TNRC6B: variants seen among roughly 807,000 people sequenced by gnomAD.
TNRC6B encodes the protein trinucleotide repeat containing adaptor 6B, also known as trinucleotide repeat-containing gene 6B protein.
In TNRC6B, 52 loss-of-function variants were observed where a neutral mutation model predicts 203.6. That is an observed-to-expected ratio of 0.26 (90% CI 0.20 to 0.32). TNRC6B has a LOEUF of 0.32. Ranked by LOEUF, TNRC6B falls within the 10% of genes least tolerant of loss-of-function variation. The pLI is 1.00. For synonymous variants in TNRC6B, 838 were observed against 845.7 expected (o/e 0.99, Z 0.16); for missense variants, 1,923 against 2,286.2 (o/e 0.84, Z 3.24).
intron 21 of TNRC6B, among the ~76,000 whole-genome samples, chr22:40,316,633 G>GA: frequency 6.6e-6 from 1 of 152,044 alleles, no homozygotes; most frequent in Admixed American, 6.5e-5. Context: ...TTCTCAAAAA[G>GA]GAGAGAGAGG....
intron 1 of TNRC6B, among the ~76,000 whole-genome samples, chr22:40,073,141 G>GT (rs554246963): frequency 0.055 from 5,930 of 108,574 alleles, 155 homozygotes; most frequent in African/African-American, 0.076. Context: ...TAGGGCCTTG[G>GT]TTTTTTTTTT....
intron 1 of TNRC6B, among the ~76,000 whole-genome samples, chr22:40,244,984 A>G (rs1254807030): frequency 6.6e-6 from 1 of 152,186 alleles, no homozygotes; most frequent in African/African-American, 2.4e-5. Flanking sequence ...ATTGTATACC[A>G]TTTTTATTCT....
intron 1 of TNRC6B, among the ~76,000 whole-genome samples, chr22:40,070,228 A>G (rs1255929555): frequency 6.6e-6 from 1 of 152,218 alleles, no homozygotes; most frequent in Non-Finnish European, 1.5e-5. Context: ...GGGCTAAAGT[A>G]TATAATTTTC....
chr22:40,233,789 G>A (rs1342294524), intron 1 of TNRC6B, among the ~76,000 whole-genome samples: 6 of 152,116 alleles, frequency 3.9e-5, no homozygotes, highest in African/African-American at 7.2e-5. Context: ...TGAGCCTCAC[G>A]TTCTTTTACT....
intron 3 of TNRC6B, among the ~76,000 whole-genome samples, chr22:40,155,763 C>T (rs1012241): frequency 0.68 from 103,250 of 152,082 alleles, 36,816 homozygotes; most frequent in African/African-American, 0.9. Context: ...TAAGATTGAA[C>T]ATCTTTTCAT....
intron 2 of TNRC6B, among the ~76,000 whole-genome samples, chr22:40,123,411 A>G (rs1286209831): frequency 6.6e-6 from 1 of 152,222 alleles, no homozygotes; most frequent in Non-Finnish European, 1.5e-5. Context: ...TGAAAGTAAA[A>G]AGATTAAAGC....
Position 40,315,934 on chromosome 22 carries a change from G to T in TNRC6B, c.4904-8G>T. On this transcript the variant is annotated splice_polypyrimidine_tract_variant and splice_region_variant and intron_variant, in intron 20 of 22. Coordinates refer to ENST00000454349, the MANE Select transcript of TNRC6B (RefSeq NM_001162501.2). The stretch of plus-strand genomic sequence containing the variant: ...TCTCTTCCTAACCATTTTTCTGGTT[G>T]CTCATAGCCTCTACCTGGAGTGATG... 2 of 1,610,620 alleles carry T rather than the reference G, an allele frequency of 1.2e-6. No homozygotes were observed. The highest frequency in any genetic ancestry group is 2.2e-5 in the South Asian group (2 of 90,388).
intron 12 of TNRC6B, among the ~76,000 whole-genome samples, chr22:40,298,903 T>C (rs1266489172): frequency 2.0e-5 from 3 of 151,368 alleles, no homozygotes. Flanking sequence ...GAGGTGGAGC[T>C]TGCAGTGAGC....
At chr22:40,277,715 CT>C (rs369484211) in intron 8 of TNRC6B, among the ~76,000 whole-genome samples, 1 of 152,200 alleles carries the variant, frequency 6.6e-6, no homozygotes, top group Non-Finnish European at 1.5e-5. Flanking sequence ...CTGACTAGAA[CT>C]TAAGGACGGG....
Position 40,312,362 on chromosome 22 carries a change from T to C in TNRC6B, c.4436-143T>C, listed in dbSNP as rs1000550449. The C allele has an allele frequency of 4.6e-5, 42 of 904,198 alleles. No individual in the cohort carries two copies. The South Asian group carries it at 6.0e-4, about 13-fold the overall frequency. The allele number at this position is 904,198 out of a possible 1,614,324, so 56.0% of individuals were successfully genotyped here. ...GAGTATGTTCATGGTGATTTTTTTT[T>C]CCTTAATTTTGTGATGAAAATCTAA... On this transcript the variant is annotated intron_variant, in intron 17 of 22. Transcript: ENST00000454349.
intron 12 of TNRC6B, among the ~76,000 whole-genome samples, chr22:40,291,852 T>C (rs1240109259): frequency 6.6e-6 from 1 of 152,250 alleles, no homozygotes; most frequent in Non-Finnish European, 1.5e-5. Flanking sequence ...AGATTTTATA[T>C]TCCTTTTGAC....
At chr22:40,170,069 C>T (rs776402237) in intron 4 of TNRC6B, among the ~76,000 whole-genome samples, 11 of 150,728 alleles carry the variant, frequency 7.3e-5, no homozygotes, top group South Asian at 2.1e-4. Flanking sequence ...TGCTTGAGCC[C>T]GGGAGTTGGA....
At position 40,315,308 on chromosome 22, in the gene TNRC6B, A is replaced by G. The variant is rs758652488; in HGVS notation, c.4704A>G (p.Thr1568=). ...TSAKFPDYKS[T]WSPDPIGHNP... is the part of the protein sequence containing the mutation. The stretch of plus-strand genomic sequence containing the variant: ...CAAAGTTCCCTGATTACAAATCAAC[A>G]TGGTCCCCAGATCCCATAGGACACA... Residue 1568 remains threonine (T), a synonymous_variant, in exon 20 of 23, where the codon ACA becomes ACG. Coordinates refer to ENST00000454349, the MANE Select transcript of TNRC6B (RefSeq NM_001162501.2). 9.3e-6 allele frequency: 15 copies of G among 1,614,026 alleles called. 1 individual carries two copies. The East Asian group carries it at 2.9e-4, about 31-fold the overall frequency.
At chr22:40,308,219 C>G (rs542037188) in intron 15 of TNRC6B, among the ~76,000 whole-genome samples, 211 of 152,324 alleles carry the variant, frequency 1.4e-3, no homozygotes, top group Non-Finnish European at 2.4e-3. Flanking sequence ...GTGGCTGGCC[C>G]CAGCCTCCTG....
chr22:40,323,328 C>A lies in TNRC6B; in HGVS notation c.*87C>A. ...CCTTTTCGTTTTTTTTTTCAACTTG[C>A]AATAAATACATTTTTAAAAGGAAAA... is the stretch of plus-strand genomic sequence containing the variant. On this transcript the variant is annotated 3_prime_UTR_variant, in exon 23 of 23. Coordinates refer to ENST00000454349, the MANE Select transcript of TNRC6B (RefSeq NM_001162501.2). The A allele has an allele frequency of 2.8e-6, 4 of 1,424,196 alleles. No homozygotes were observed. The highest frequency in any genetic ancestry group is 2.8e-6 in the Non-Finnish European group (3 of 1,070,832). 88.2% of individuals were successfully genotyped at this position (1,424,196 alleles called of 1,614,324 possible).
intron 2 of TNRC6B, among the ~76,000 whole-genome samples, chr22:40,124,458 GC>G (rs1388329694): frequency 2.0e-5 from 3 of 151,894 alleles, no homozygotes; most frequent in South Asian, 2.1e-4. Flanking sequence ...AAGTAGCTGG[GC>G]CCACATACAT....
intron 19 of TNRC6B, among the ~76,000 whole-genome samples, chr22:40,314,457 CCT>C (rs2071229693): frequency 2.0e-5 from 3 of 152,240 alleles, no homozygotes; most frequent in Non-Finnish European, 4.4e-5. Context: ...ACCTCCTTTA[CCT>C]CTCTGCCCCT....
chr22:40,201,598 G>A (rs1256158074), intron 1 of TNRC6B, among the ~76,000 whole-genome samples: 1 of 151,608 alleles, frequency 6.6e-6, no homozygotes, highest in East Asian at 1.9e-4. Context: ...ACTACACCTG[G>A]CTAATTTTTT....
At chr22:40,194,171 AAAG>A (rs1382082700) in intron 1 of TNRC6B, among the ~76,000 whole-genome samples, 7 of 152,204 alleles carry the variant, frequency 4.6e-5, no homozygotes, top group East Asian at 1.9e-4. Flanking sequence ...AAGAAAAGGA[AAAG>A]AAGAAGGAGT....
Sources: allele counts gnomAD v4.1 joint callset (sites outside exome capture counted in the v4.1 genomes callset), GRCh38; gene constraint gnomAD v4.1.1; transcripts MANE v1.5; gene names NCBI Gene and HGNC (gene_info 2026-07-23, HGNC 2026-07-21).